ENTPD3: variants seen among roughly 807,000 people sequenced by gnomAD.
ENTPD3 encodes CD39 antigen-like 3.
In ENTPD3, 60 loss-of-function variants were observed where a neutral mutation model predicts 51.2. The ratio of observed to expected loss-of-function variants is 1.17; its 90% CI spans 0.95 to 1.45. The LOEUF is 1.45. Among genes scored for constraint, ENTPD3 ranks in the 40% most tolerant of loss-of-function variants. The pLI is 0.00. For missense variants in ENTPD3, 593 were observed against 641.1 expected, an observed-to-expected ratio of 0.93 and a Z score of 0.81; for synonymous variants, 221 against 238.4, an observed-to-expected ratio of 0.93 and a Z score of 0.67.
At chr3:40,421,694 C>A (rs1388111999) in intron 7 of ENTPD3, among the ~76,000 whole-genome samples, 1 of 151,824 alleles carries the variant, frequency 6.6e-6, no homozygotes, top group Non-Finnish European at 1.5e-5. Context: ...AAAAAATAGG[C>A]CACTGTATAA....
intron 10 of ENTPD3, among the ~76,000 whole-genome samples, chr3:40,425,921 A>T (rs944699218): frequency 4.0e-5 from 6 of 150,732 alleles, no homozygotes; most frequent in African/African-American, 9.7e-5. Flanking sequence ...AAATTATATT[A>T]AAAAAAACAG....
At chr3:40,401,659 T>A (rs1955360462) in intron 4 of ENTPD3, among the ~76,000 whole-genome samples, 2 of 152,230 alleles carry the variant, frequency 1.3e-5, no homozygotes, top group Admixed American at 1.3e-4. Context: ...TCTGTTCCAG[T>A]AAAGCTTTAT....
chr3:40,423,335 AG>A lies in ENTPD3; in HGVS notation c.1151del (p.Gly384ValfsTer50), dbSNP rs1435486474. 6.2e-7 allele frequency: 1 copy of A among 1,614,084 alleles called. No homozygotes were observed. Among genetic ancestry groups the A allele is most frequent in the Admixed American group, 1.7e-5 (1 of 60,028 alleles). On this transcript the variant is annotated frameshift_variant, in exon 9 of 11. Transcript: ENST00000301825. LOFTEE classifies it high-confidence loss of function. ...ACACAGCCAGTGCTTTAAATCTTTC[AG>A]GTAGCTTTTCCCTGGACACCTTCAA... ...YYTASALNLS[G>X]SFSLDTFNSS...
At chr3:40,420,840 C>T (rs1203411037) in intron 7 of ENTPD3, among the ~76,000 whole-genome samples, 1 of 151,710 alleles carries the variant, frequency 6.6e-6, no homozygotes, top group Non-Finnish European at 1.5e-5. Flanking sequence ...AAGGGTTGGG[C>T]TAAATGTCTG....
intron 6 of ENTPD3, 114 bp downstream of exon 6, chr3:40,414,954 C>G: frequency 9.7e-7 from 1 of 1,028,596 alleles, no homozygotes; most frequent in Middle Eastern, 2.2e-4. Flanking sequence ...ATCACTCCTA[C>G]CATGTAACGC....
chr3:40,406,233 C>T (rs73076046), intron 4 of ENTPD3, among the ~76,000 whole-genome samples: 37,890 of 151,902 alleles, frequency 0.25, 5,832 homozygotes, highest in East Asian at 0.51. Flanking sequence ...GGGGGAAGAA[C>T]ATGCTGAGCA....
At chr3:40,423,211 C>T (rs1955916366) in intron 8 of ENTPD3, 80 bp from the exon 9 acceptor site, 1 of 1,538,986 alleles carries the variant, frequency 6.5e-7, no homozygotes, top group African/African-American at 1.4e-5. Flanking sequence ...TTGTTAGCCA[C>T]CTTCTTATTC....
At chr3:40,408,455 A>C (rs1955554105) in intron 4 of ENTPD3, among the ~76,000 whole-genome samples, 2 of 152,226 alleles carry the variant, frequency 1.3e-5, no homozygotes, top group African/African-American at 4.8e-5. Context: ...TTAACTGTTG[A>C]AGCTGAATGA....
At chr3:40,423,709 A>G in intron 9 of ENTPD3, 117 bp from the exon 10 acceptor site, 10 of 1,177,466 alleles carry the variant, frequency 8.5e-6, no homozygotes, top group Non-Finnish European at 1.2e-5. Context: ...ATTATAAAGT[A>G]TTTTCTATTA....
At chr3:40,401,209 TG>T (rs1955347668) in intron 4 of ENTPD3, among the ~76,000 whole-genome samples, 198 bp downstream of exon 4, 2 of 152,200 alleles carry the variant, frequency 1.3e-5, no homozygotes, top group Non-Finnish European at 2.9e-5. Context: ...TTCCCTTCTC[TG>T]GGCCTCAGTG....
At chr3:40,413,853 G>C (rs920536488) in intron 5 of ENTPD3, among the ~76,000 whole-genome samples, 4 of 152,140 alleles carry the variant, frequency 2.6e-5, no homozygotes, top group African/African-American at 9.7e-5. Context: ...GAATTAGCTG[G>C]GATGAGAATT....
chr3:40,423,689 A>G, intron 9 of ENTPD3, 137 bp from the exon 10 acceptor site: 1 of 973,102 alleles, frequency 1.0e-6, no homozygotes, highest in South Asian at 1.7e-5. Context: ...TTGTGTGATT[A>G]TATGATTGTA....
intron 3 of ENTPD3, among the ~76,000 whole-genome samples, chr3:40,393,219 A>T (rs1955106499): frequency 6.6e-6 from 1 of 152,150 alleles, no homozygotes; most frequent in Non-Finnish European, 1.5e-5. Context: ...GTCAGCAAAC[A>T]TTTCTCATAA....
At chr3:40,423,526 G>A (rs751766684) in intron 9 of ENTPD3, 125 bp downstream of exon 9, 2 of 762,086 alleles carry the variant, frequency 2.6e-6, no homozygotes, top group Non-Finnish European at 4.2e-6. Flanking sequence ...TAAAATAAAA[G>A]GAATAAGGGA....
rs3064608 is a variant in ENTPD3, at chr3:40,397,119, C to CT, written c.169-3755dup. 1.9e-3 allele frequency among the ~76,000 whole-genome samples: 189 copies of CT among 101,284 alleles called. 10 individuals carry two copies. Among genetic ancestry groups the CT allele is most frequent in the Middle Eastern group, 7.1e-3 (1 of 140 alleles). 66.4% of individuals were successfully genotyped at this position (101,284 alleles called of 152,430 possible). On this transcript the variant is annotated intron_variant, in intron 3 of 10. Coordinates refer to ENST00000301825, the MANE Select transcript of ENTPD3 (RefSeq NM_001248.4). Reference sequence around the variant, plus strand: ...AGAGTAAGAGTTGGATAATTAGTTTCTTTTTTTTTTTTTTTTTTTTCAGAA... The same window carrying CT: ...AGAGTAAGAGTTGGATAATTAGTTTCTTTTTTTTTTTTTTTTTTTTTCAGAA...
chr3:40,412,583 A>T (rs907195179), intron 5 of ENTPD3, among the ~76,000 whole-genome samples: 5 of 152,310 alleles, frequency 3.3e-5, no homozygotes, highest in Non-Finnish European at 7.4e-5. Flanking sequence ...AAAAATTCCA[A>T]AAAGAAACAC....
chr3:40,406,920 G>C (rs2125598465), intron 4 of ENTPD3, among the ~76,000 whole-genome samples: 1 of 152,238 alleles, frequency 6.6e-6, no homozygotes, highest in South Asian at 2.1e-4. Context: ...AAGAAACCTT[G>C]GTTTACGATG....
intron 10 of ENTPD3, among the ~76,000 whole-genome samples, chr3:40,426,661 T>A (rs1955991410): frequency 6.6e-6 from 1 of 152,116 alleles, no homozygotes; most frequent in Non-Finnish European, 1.5e-5. Flanking sequence ...TGTTAAATTA[T>A]CAAACACTAC....
rs1273782692 is a variant in ENTPD3 at position 40,427,576 on chromosome 3, GGTGA to G, written c.*69_*72del. On this transcript the variant is annotated 3_prime_UTR_variant, in exon 11 of 11. Coordinates refer to ENST00000301825, the MANE Select transcript of ENTPD3 (RefSeq NM_001248.4). ...AGCCTGGGTGGCACCAGGCAATGCA[GGTGA>G]AGTGGCTGCCTTCAGGAAATACAAC... 8.4e-7 allele frequency: 1 copy of G among 1,196,430 alleles called. No homozygotes were observed. The highest frequency in any genetic ancestry group is 1.2e-6 in the Non-Finnish European group (1 of 809,522). 74.1% of individuals were successfully genotyped at this position (1,196,430 alleles called of 1,614,324 possible).
Sources: gnomAD v4.1 joint callset for allele counts (sites outside exome capture counted in the v4.1 genomes callset) on GRCh38, gnomAD v4.1.1 for gene constraint, MANE v1.5 for transcripts, NCBI Gene and HGNC (gene_info 2026-07-23, HGNC 2026-07-21) for gene names.